The following CBARP variants were observed in gnomAD, a reference collection of about 807,000 sequenced individuals.
CBARP encodes CACN subunit beta associated regulatory protein.
Under a neutral mutation model 36.3 loss-of-function variants are expected in CBARP, and 24 were observed. The observed-to-expected ratio is 0.66, with a 90% CI of 0.48 to 0.93. The LOEUF (loss-of-function observed/expected upper bound fraction) is 0.93. CBARP is among the 40% of genes least tolerant of loss of function. The pLI is 0.00. For synonymous variants in CBARP, 586 were observed against 453.2 expected (o/e 1.29, Z -3.72); for missense variants, 1,146 against 980.4 (o/e 1.17, Z -2.26).
chr19:1,229,262 G>C lies in CBARP; in HGVS notation c.2035C>G (p.Pro679Ala). 8.0e-7 allele frequency: 1 copy of C among 1,249,992 alleles called. No homozygotes were observed. Among genetic ancestry groups the C allele is most frequent in the Non-Finnish European group, 1.0e-6 (1 of 972,888 alleles). 77.4% of individuals were successfully genotyped at this position (1,249,992 alleles called of 1,614,324 possible). A position where few individuals can be genotyped will look rare whatever the true frequency, so the allele number is the denominator to read the frequency against. The change falls in exon 10 of 10, where the codon CCG becomes GCG. Residue 679 changes from proline to alanine, a missense_variant. Pro to Ala is a conservative substitution (Grantham distance 27). Transcript: ENST00000650044. The surrounding 1 kb of genome is among the most constrained non-coding windows in gnomAD (Gnocchi z 5.1). ...ACGACGGGCTCGGCGAGGCGCGGCG[G>C]AAAGAGTCTCTCGTCGAGGCCAGCC... is the stretch of plus-strand genomic sequence containing the variant. ...LAAGLDERLFPPRLAEPVVAT... is the reference protein window; with the variant it reads ...LAAGLDERLFAPRLAEPVVAT...
chr19:1,234,494 G>A, intron 6 of CBARP, 77 bp downstream of exon 6: 1 of 1,469,088 alleles, frequency 6.8e-7, no homozygotes, highest in Non-Finnish European at 9.0e-7. Flanking sequence ...AAGAGTGGGT[G>A]AGGGCGTGGG....
Position 1,229,671 on chromosome 19 carries a change from G to A in CBARP, c.1626C>T (p.Ile542=), listed in dbSNP as rs2080863825. ...GGAACAGCGCGTCCGTCTTCTCGTC[G>A]ATGCTGTAGTCGCGGCGCGGGCGGC... ...WPRRPRRDYS[I]DEKTDALFHE... Residue 542 remains isoleucine, a synonymous_variant, in exon 10 of 10, where the codon ATC becomes ATT. Transcript: ENST00000650044. This position sits in a 1 kb window ranked among gnomAD's most constrained non-coding sequence, Gnocchi z 5.1. 1.8e-6 allele frequency: 2 copies of A among 1,113,738 alleles called. No homozygotes were observed. The highest frequency in any genetic ancestry group is 4.9e-5 in the Admixed American group (1 of 20,540). The allele number at this position is 1,113,738 out of a possible 1,614,324, so 69.0% of individuals were successfully genotyped here. A position where few individuals can be genotyped will look rare whatever the true frequency, so the allele number is the denominator to read the frequency against.
At chr19:1,236,245 G>T (rs923735388) in intron 1 of CBARP, 124 bp from the exon 2 acceptor site, 46 of 1,286,576 alleles carry the variant, frequency 3.6e-5, no homozygotes, top group Non-Finnish European at 4.0e-5. Flanking sequence ...TCATGGAGAG[G>T]TAGCAGAGCC....
Position 1,229,950 on chromosome 19 carries a change from G to A in CBARP, c.1347C>T (p.Ala449=), listed in dbSNP as rs368797588. The A allele has an allele frequency of 2.5e-4, 303 of 1,200,982 alleles. No individual in the cohort carries two copies. In the African/African-American group the frequency reaches 4.8e-3, roughly 19 times the overall value. 74.4% of individuals were successfully genotyped at this position (1,200,982 alleles called of 1,614,324 possible). A position where few individuals can be genotyped will look rare whatever the true frequency, so the allele number is the denominator to read the frequency against. The change falls in exon 10 of 10, where the codon GCC becomes GCT. Residue 449 remains alanine, a synonymous_variant. Transcript: ENST00000650044. The surrounding 1 kb of genome is among the most constrained non-coding windows in gnomAD (Gnocchi z 5.1). ...TGCCGCTGCTGCTGTGGTCCGAGGC[G>A]GCCGCATGCAGCTCAAGCGAGGCGC... ...SLRASLELHA[A]ASDHSSSGND... is the part of the protein sequence containing the mutation.
upstream of CBARP, chr19:1,238,071 T>G (rs2081000317): frequency 6.9e-6 from 1 of 144,946 alleles, no homozygotes; most frequent in Non-Finnish European, 1.5e-5. Flanking sequence ...GAGCCTGCGC[T>G]CCCGGGCGCC....
intron 9 of CBARP, chr19:1,230,515 G>A: frequency 8.8e-6 from 9 of 1,024,112 alleles, no homozygotes; most frequent in Non-Finnish European, 9.3e-6. Context: ...CTCAGCCCCT[G>A]CTCCAGGCTA....
At position 1,236,139 on chromosome 19, in the gene CBARP, G is replaced by A. The variant is rs1327452797; in HGVS notation, c.-21-18C>T. 7.1e-7 allele frequency: 1 copy of A among 1,407,292 alleles called. No homozygotes were observed. Among genetic ancestry groups the A allele is most frequent in the Non-Finnish European group, 9.2e-7 (1 of 1,085,014 alleles). The allele number at this position is 1,407,292 out of a possible 1,614,324, so 87.2% of individuals were successfully genotyped here. Reference sequence around the variant, plus strand: ...GGAGGGCCCTGTGGGGAGGAAGCCTGGTCAGCTCCAGCTAGACCTACTTCT... The same window carrying A: ...GGAGGGCCCTGTGGGGAGGAAGCCTAGTCAGCTCCAGCTAGACCTACTTCT... On this transcript the variant is annotated intron_variant, in intron 1 of 9. Transcript: ENST00000650044.
Position 1,234,667 on chromosome 19 carries a change from C to T in CBARP, c.531G>A (p.Lys177=), listed in dbSNP as rs1212441368. 2 of 1,612,714 alleles carry T rather than the reference C, an allele frequency of 1.2e-6. No individual in the cohort carries two copies. The highest frequency in any genetic ancestry group is 2.2e-5 in the East Asian group (1 of 44,854). ...AGTCACACTCGTGGATGGTGACAATCTTGAGGGGCGGCAGGTGCAGGTGCG... is the reference window on the plus strand; with the variant it reads ...AGTCACACTCGTGGATGGTGACAATTTTGAGGGGCGGCAGGTGCAGGTGCG... ...RLTHLHLPPL[K]IVTIHECDSG... Residue 177 remains lysine (K), a synonymous_variant, in exon 6 of 10, where the codon AAG becomes AAA. Transcript: ENST00000650044.
At chr19:1,232,322 G>A (rs948366517) in intron 8 of CBARP, among the ~76,000 whole-genome samples, 2 of 152,084 alleles carry the variant, frequency 1.3e-5, no homozygotes, top group African/African-American at 4.8e-5. Context: ...GGGGCTGGGA[G>A]AACTCACCCC....
Position 1,229,260 on chromosome 19 carries a change from C to G in CBARP, c.2037G>C (p.Pro679=). 1.6e-6 allele frequency: 2 copies of G among 1,247,880 alleles called. No individual in the cohort carries two copies. Among genetic ancestry groups the G allele is most frequent in the Non-Finnish European group, 2.1e-6 (2 of 971,698 alleles). The allele number at this position is 1,247,880 out of a possible 1,614,324, so 77.3% of individuals were successfully genotyped here. A position where few individuals can be genotyped will look rare whatever the true frequency, so the allele number is the denominator to read the frequency against. The change falls in exon 10 of 10, where the codon CCG becomes CCC. Residue 679 remains proline (P), a synonymous_variant. Coordinates refer to ENST00000650044, the MANE Select transcript of CBARP (RefSeq NM_001393918.1). The surrounding 1 kb of genome is among the most constrained non-coding windows in gnomAD (Gnocchi z 5.1). ...CCACGACGGGCTCGGCGAGGCGCGG[C>G]GGAAAGAGTCTCTCGTCGAGGCCAG... ...LAAGLDERLF[P]PRLAEPVVAT... is the part of the protein sequence containing the mutation.
At chr19:1,236,155 AC>A (rs1173236532) in intron 1 of CBARP, 34 bp from the exon 2 acceptor site, 4 of 1,376,708 alleles carry the variant, frequency 2.9e-6, no homozygotes, top group Admixed American at 3.5e-5. Flanking sequence ...CTCCAGCTAG[AC>A]CTACTTCTCC....
intron 3 of CBARP, 53 bp downstream of exon 3, chr19:1,235,726 G>A (rs529205508): frequency 3.4e-5 from 55 of 1,604,490 alleles, no homozygotes; most frequent in East Asian, 4.5e-5. Flanking sequence ...CCCACCACCC[G>A]ATGGCACCCA....
intron 4 of CBARP, 35 bp from the exon 5 acceptor site, chr19:1,235,180 C>T (rs376587685): frequency 4.0e-6 from 6 of 1,488,930 alleles, no homozygotes; most frequent in Admixed American, 4.4e-5. Context: ...GGGCCCCGGG[C>T]GGGCCACGCC....
At chr19:1,230,653 A>C (rs531547413) in intron 9 of CBARP, 2 of 1,267,864 alleles carry the variant, frequency 1.6e-6, no homozygotes, top group South Asian at 2.9e-5. Flanking sequence ...TTCCCATCCC[A>C]CCGACGTGGG....
rs2080854264 is a variant in CBARP, at chr19:1,229,024, G to A, written c.*155C>T. On this transcript the variant is annotated 3_prime_UTR_variant, in exon 10 of 10. Coordinates refer to ENST00000650044, the MANE Select transcript of CBARP (RefSeq NM_001393918.1). This position sits in a 1 kb window ranked among gnomAD's most constrained non-coding sequence, Gnocchi z 5.1. ...CGGGGCTCTGCGCCTGCGCCCTGAA[G>A]CGGCGAGCGCGCCTCCGTCGCCCGG... 6.2e-6 allele frequency: 1 copy of A among 162,246 alleles called. No individual in the cohort carries two copies. The highest frequency in any genetic ancestry group is 6.8e-5 in the Admixed American group (1 of 14,772). The allele number at this position is 162,246 out of a possible 1,614,324, so 10.1% of individuals were successfully genotyped here. A position where few individuals can be genotyped will look rare whatever the true frequency, so the allele number is the denominator to read the frequency against.
chr19:1,234,500 G>A lies in CBARP; in HGVS notation c.627+71C>T, dbSNP rs1410506061. The A allele has an allele frequency of 2.9e-5, 43 of 1,492,438 alleles. 1 individual carries two copies. The highest frequency in any genetic ancestry group is 2.3e-4 in the Admixed American group (10 of 44,348). 92.4% of individuals were successfully genotyped at this position (1,492,438 alleles called of 1,614,324 possible). On this transcript the variant is annotated intron_variant, in intron 6 of 9. Coordinates refer to ENST00000650044, the MANE Select transcript of CBARP (RefSeq NM_001393918.1). Reference sequence around the variant, plus strand: ...ACCCAGAAAAAGAGTGGGTGAGGGCGTGGGGGTCCGGGAGTCCCCGGGGCT... The same window carrying A: ...ACCCAGAAAAAGAGTGGGTGAGGGCATGGGGGTCCGGGAGTCCCCGGGGCT...
At chr19:1,237,257 G>A (rs1196309789) in intron 1 of CBARP, among the ~76,000 whole-genome samples, 1 of 152,242 alleles carries the variant, frequency 6.6e-6, no homozygotes, top group African/African-American at 2.4e-5. Context: ...CCCGGTCACA[G>A]GCTGCCCGGG....
At chr19:1,234,352 G>T in intron 6 of CBARP, 21 bp from the exon 7 acceptor site, 9 of 1,440,824 alleles carry the variant, frequency 6.2e-6, no homozygotes, top group Non-Finnish European at 7.3e-6. Flanking sequence ...GAGCCAGGTG[G>T]GGGAGGAAGC....
intron 8 of CBARP, among the ~76,000 whole-genome samples, chr19:1,232,887 C>T (rs2080912489): frequency 6.6e-6 from 1 of 152,212 alleles, no homozygotes; most frequent in South Asian, 2.1e-4. Context: ...AGTCTGCTGA[C>T]CCCTGGCCCA....
Sources: allele counts gnomAD v4.1 joint callset (sites outside exome capture counted in the v4.1 genomes callset), GRCh38; gene constraint gnomAD v4.1.1; non-coding constraint Gnocchi (gnomAD v3.1); transcripts MANE v1.5; gene names NCBI Gene and HGNC (gene_info 2026-07-23, HGNC 2026-07-21).